Variants in GALNT13 observed in about 807,000 individuals in gnomAD.
GALNT13 encodes the protein UDP-GalNAc:polypeptide N-acetylgalactosaminyltransferase 13.
A neutral mutation model predicts 64.2 loss-of-function variants in GALNT13; 28 were observed. That is an observed-to-expected ratio of 0.44 (90% confidence interval 0.32 to 0.60). The LOEUF (loss-of-function observed/expected upper bound fraction) is 0.60, where lower values mean the gene tolerates loss of function less well. GALNT13 is among the 20% of genes least tolerant of loss of function. The pLI, the probability that GALNT13 is intolerant of heterozygous loss-of-function variation, is 0.05. For missense variants in GALNT13, 577 were observed against 669.8 expected (o/e 0.86, Z 1.53); for synonymous variants, 214 against 224.6 (o/e 0.95, Z 0.42).
the GALNT13 span, among the ~76,000 whole-genome samples, chr2:153,608,353 C>A: frequency 6.6e-6 from 1 of 152,176 alleles, no homozygotes; most frequent in South Asian, 2.1e-4. Flanking sequence ...ATCCCACCCA[C>A]GGTGGCAGAG....
chr2:153,517,172 A>T, the GALNT13 span, among the ~76,000 whole-genome samples: 1 of 152,142 alleles, frequency 6.6e-6, no homozygotes, highest in Non-Finnish European at 1.5e-5. Flanking sequence ...TTATCATGTC[A>T]TAAAAAATAG....
In GALNT13 at chr2:153,915,868, A is replaced by G. The variant is rs555113327; in HGVS notation, c.-105+14861A>G. 3.9e-5 allele frequency among the ~76,000 whole-genome samples: 6 copies of G among 152,250 alleles called. No homozygotes were observed. The East Asian group carries it at 1.2e-3, about 29-fold the overall frequency. On this transcript the variant is annotated intron_variant, in intron 2 of 12. Coordinates refer to ENST00000392825, the MANE Select transcript of GALNT13 (RefSeq NM_052917.4). ...TGATTTACCCCTCATCAAAGAGATTACCTGGAAACTCTTTCTTATATTTTC... is the reference window on the plus strand; with the variant it reads ...TGATTTACCCCTCATCAAAGAGATTGCCTGGAAACTCTTTCTTATATTTTC...
intron 2 of GALNT13, among the ~76,000 whole-genome samples, chr2:153,939,305 G>A (rs1519205): frequency 0.093 from 14,178 of 152,088 alleles, 1,700 homozygotes; most frequent in East Asian, 0.63. Context: ...CTAGTAATTC[G>A]TATATTTAAG....
At chr2:153,402,415 C>T in the GALNT13 span, among the ~76,000 whole-genome samples, 6 of 151,128 alleles carry the variant, frequency 4.0e-5, no homozygotes, top group Admixed American at 1.3e-4. Context: ...CTTGGAGTTG[C>T]TCTTCTCAAG....
chr2:153,719,160 T>C, the GALNT13 span, among the ~76,000 whole-genome samples: 2 of 152,126 alleles, frequency 1.3e-5, no homozygotes, highest in East Asian at 3.9e-4. Context: ...ATCTGATCAA[T>C]AGTGGCTTGA....
chr2:154,427,748 T>C (rs539984858), intron 11 of GALNT13, among the ~76,000 whole-genome samples: 90 of 152,284 alleles, frequency 5.9e-4, no homozygotes, highest in African/African-American at 1.9e-3. Flanking sequence ...AGCTAGATGC[T>C]ACTTACTCCT....
the GALNT13 span, among the ~76,000 whole-genome samples, chr2:153,246,828 C>A: frequency 6.6e-6 from 1 of 152,116 alleles, no homozygotes; most frequent in Non-Finnish European, 1.5e-5. Flanking sequence ...GGGCTAAATA[C>A]CTCAATTAAA....
upstream of GALNT13, among the ~76,000 whole-genome samples, chr2:153,868,638 G>C (rs966454406): frequency 1.3e-5 from 2 of 152,032 alleles, no homozygotes; most frequent in Admixed American, 6.6e-5. Context: ...TAGAATGAGC[G>C]CCTTGGTTAA....
At chr2:153,397,051 C>A in the GALNT13 span, among the ~76,000 whole-genome samples, 5 of 152,102 alleles carry the variant, frequency 3.3e-5, no homozygotes, top group Non-Finnish European at 5.9e-5. Context: ...CCATTTTCAT[C>A]CTCTAAAATA....
chr2:153,340,012 A>G, the GALNT13 span, among the ~76,000 whole-genome samples: 1 of 152,106 alleles, frequency 6.6e-6, no homozygotes, highest in African/African-American at 2.4e-5. Context: ...GCTTTATAAT[A>G]TAATTTGAAA....
At chr2:154,115,997 C>G (rs1703276756) in intron 3 of GALNT13, among the ~76,000 whole-genome samples, 1 of 152,128 alleles carries the variant, frequency 6.6e-6, no homozygotes, top group South Asian at 2.1e-4. Flanking sequence ...AGTTATAGGT[C>G]TAGAGGCAAA....
At chr2:153,961,015 C>G (rs928992619) in intron 3 of GALNT13, among the ~76,000 whole-genome samples, 2 of 152,072 alleles carry the variant, frequency 1.3e-5, no homozygotes, top group African/African-American at 4.8e-5. Context: ...GGTAACTACT[C>G]AAGTCCAAAT....
chr2:153,501,507 T>C, the GALNT13 span, among the ~76,000 whole-genome samples: 30 of 152,206 alleles, frequency 2.0e-4, no homozygotes, highest in East Asian at 5.8e-3. Flanking sequence ...AATTTTTGTA[T>C]TTTTGGTAGA....
At chr2:154,244,989 C>T (rs1266081551) in intron 6 of GALNT13, among the ~76,000 whole-genome samples, 3 of 151,856 alleles carry the variant, frequency 2.0e-5, no homozygotes, top group African/African-American at 7.3e-5. Context: ...GGTATGATGG[C>T]AGGCACGTTG....
chr2:154,343,664 C>T (rs138607539), intron 9 of GALNT13, among the ~76,000 whole-genome samples: 502 of 152,066 alleles, frequency 3.3e-3, no homozygotes, highest in Non-Finnish European at 4.7e-3. Flanking sequence ...TCTTGAAGAT[C>T]CAAGATCTTC....
At chr2:153,231,980 G>A in the GALNT13 span, among the ~76,000 whole-genome samples, 2 of 152,130 alleles carry the variant, frequency 1.3e-5, no homozygotes, top group African/African-American at 4.8e-5. Flanking sequence ...TTGTGGTGCT[G>A]AGTGGCGGTT....
At chr2:154,194,766 G>C (rs1400360131) in intron 4 of GALNT13, among the ~76,000 whole-genome samples, 1 of 151,848 alleles carries the variant, frequency 6.6e-6, no homozygotes, top group Non-Finnish European at 1.5e-5. Flanking sequence ...TTACCTATAA[G>C]GAGGCTGAAG....
chr2:154,189,283 TG>T (rs1190103401), intron 4 of GALNT13, among the ~76,000 whole-genome samples: 4 of 152,108 alleles, frequency 2.6e-5, no homozygotes, highest in Non-Finnish European at 5.9e-5. Flanking sequence ...GATAATGTTA[TG>T]GACTGAATGT....
chr2:153,345,594 G>A, the GALNT13 span, among the ~76,000 whole-genome samples: 2 of 147,080 alleles, frequency 1.4e-5, no homozygotes, highest in East Asian at 1.9e-4. Context: ...CAACCCCCAC[G>A]TGCCCTCCCA....
Sources: allele counts gnomAD v4.1 joint callset (sites outside exome capture counted in the v4.1 genomes callset), GRCh38; gene constraint gnomAD v4.1.1; transcripts MANE v1.5; gene names NCBI Gene and HGNC (gene_info 2026-07-23, HGNC 2026-07-21).